Variants in MINDY4 observed in about 807,000 individuals in gnomAD.
MINDY4 encodes probable ubiquitin carboxyl-terminal hydrolase MINDY-4.
Under a neutral mutation model 87.0 loss-of-function variants are expected in MINDY4, and 68 were observed. The observed-to-expected ratio is 0.78, with a 90% CI of 0.64 to 0.96. The LOEUF is 0.96. Ranked by LOEUF, MINDY4 falls within the 40% of genes least tolerant of loss-of-function variation. The pLI, the probability that MINDY4 is intolerant of heterozygous loss-of-function variation, is 0.00. For missense variants in MINDY4, 919 were observed against 928.2 expected (o/e 0.99, Z 0.13); for synonymous variants, 379 against 363.2 (o/e 1.04, Z -0.50).
chr7:30,892,097 T>A lies in MINDY4; in HGVS notation c.*92T>A, dbSNP rs1274014488. On this transcript the variant is annotated 3_prime_UTR_variant, in exon 18 of 18. Coordinates refer to ENST00000265299, the MANE Select transcript of MINDY4 (RefSeq NM_032222.3). Reference sequence around the variant, plus strand: ...CCCCAAGCCTCTGGGGCAGGTCTCATGTACCCCAACCTGGGTCAGCATGAC... The same window carrying A: ...CCCCAAGCCTCTGGGGCAGGTCTCAAGTACCCCAACCTGGGTCAGCATGAC... The A allele has an allele frequency of 1.4e-6, 2 of 1,413,760 alleles. No individual in the cohort carries two copies. The highest frequency in any genetic ancestry group is 3.4e-5 in the Admixed American group (2 of 59,622). 87.6% of individuals were successfully genotyped at this position (1,413,760 alleles called of 1,614,324 possible). A position where few individuals can be genotyped will look rare whatever the true frequency, so the allele number is the denominator to read the frequency against.
intron 1 of MINDY4, among the ~76,000 whole-genome samples, chr7:30,772,853 A>G (rs1222104755): frequency 6.6e-6 from 1 of 152,090 alleles, no homozygotes; most frequent in Non-Finnish European, 1.5e-5. Flanking sequence ...AAACTCTTAG[A>G]GAGGGCTTCC....
chr7:30,774,216 T>C (rs948767852), intron 1 of MINDY4, among the ~76,000 whole-genome samples: 6 of 152,204 alleles, frequency 3.9e-5, no homozygotes, highest in African/African-American at 1.4e-4. Context: ...CTAATTTCAC[T>C]GAGAAAACAG....
chr7:30,888,807 A>G (rs1237002474), intron 17 of MINDY4, among the ~76,000 whole-genome samples: 1 of 152,122 alleles, frequency 6.6e-6, no homozygotes, highest in African/African-American at 2.4e-5. Flanking sequence ...TGTTGGCTGG[A>G]TGGAGCGGGT....
chr7:30,860,640 G>A (rs1219297659), intron 13 of MINDY4, among the ~76,000 whole-genome samples: 1 of 150,638 alleles, frequency 6.6e-6, no homozygotes, highest in Non-Finnish European at 1.5e-5. Flanking sequence ...GGGCCCTCTG[G>A]CTCTGGGAGT....
chr7:30,806,786 G>A (rs1051312678), intron 5 of MINDY4, among the ~76,000 whole-genome samples: 2 of 152,250 alleles, frequency 1.3e-5, no homozygotes, highest in South Asian at 2.1e-4. Flanking sequence ...TCTGGAGGGT[G>A]AGGCAGATGT....
chr7:30,841,701 A>G (rs1350814390), intron 9 of MINDY4, among the ~76,000 whole-genome samples: 2 of 152,202 alleles, frequency 1.3e-5, no homozygotes, highest in Admixed American at 6.5e-5. Context: ...GTTCTGCTCA[A>G]TGAATTATCA....
intron 5 of MINDY4, among the ~76,000 whole-genome samples, chr7:30,801,181 G>A (rs1006409541): frequency 6.6e-6 from 1 of 152,138 alleles, no homozygotes; most frequent in Non-Finnish European, 1.5e-5. Flanking sequence ...TGGCATTTGC[G>A]GTTCATTGAC....
At chr7:30,821,324 C>A (rs1412154740) in intron 5 of MINDY4, among the ~76,000 whole-genome samples, 2 of 152,128 alleles carry the variant, frequency 1.3e-5, no homozygotes, top group African/African-American at 4.8e-5. Context: ...CTGTTTTAAT[C>A]CTTGACTGAA....
chr7:30,863,878 CT>C (rs1236168426), intron 13 of MINDY4, among the ~76,000 whole-genome samples: 1 of 152,196 alleles, frequency 6.6e-6, no homozygotes, highest in Non-Finnish European at 1.5e-5. Flanking sequence ...GCTTGCCAAG[CT>C]TTGCTGCTTT....
intron 5 of MINDY4, among the ~76,000 whole-genome samples, chr7:30,819,359 T>C (rs1435203764): frequency 6.6e-6 from 1 of 152,228 alleles, no homozygotes; most frequent in Non-Finnish European, 1.5e-5. Context: ...ATTCTTTTTT[T>C]ATTTCTTTGT....
chr7:30,811,822 A>G lies in MINDY4; in HGVS notation c.1074-16857A>G, dbSNP rs1056422852. ...AATCGATCACGACCCTCTCATGCGGACTCCCTTAGAGTTGTGAGCCCTTAA... is the reference window on the plus strand; with the variant it reads ...AATCGATCACGACCCTCTCATGCGGGCTCCCTTAGAGTTGTGAGCCCTTAA... On this transcript the variant is annotated intron_variant, in intron 5 of 17. Transcript: ENST00000265299. 7.2e-5 allele frequency among the ~76,000 whole-genome samples: 11 copies of G among 152,008 alleles called. No homozygotes were observed. The South Asian group carries it at 1.0e-3, about 14-fold the overall frequency.
At position 30,798,641 on chromosome 7, in the gene MINDY4, C is replaced by T. The variant is rs187882848; in HGVS notation, c.1073+7067C>T. Among the ~76,000 whole-genome samples, 126 of 152,264 alleles carry T rather than the reference C, an allele frequency of 8.3e-4. 1 individual carries two copies. In the East Asian group the frequency reaches 0.016, roughly 20 times the overall value. On this transcript the variant is annotated intron_variant, in intron 5 of 17. Coordinates refer to ENST00000265299, the MANE Select transcript of MINDY4 (RefSeq NM_032222.3). ...CCTCCCGAGTAGCTGGGACTGCAGTCGCCCGCCACCACGCCTGGCTAATTT... is the reference window on the plus strand; with the variant it reads ...CCTCCCGAGTAGCTGGGACTGCAGTTGCCCGCCACCACGCCTGGCTAATTT...
intron 10 of MINDY4, among the ~76,000 whole-genome samples, chr7:30,851,969 A>G (rs1015669294): frequency 1.3e-5 from 2 of 151,742 alleles, no homozygotes; most frequent in African/African-American, 4.8e-5. Context: ...GGTTATTCCA[A>G]GCTCTCCCTT....
At chr7:30,822,178 C>CT (rs983445282) in intron 5 of MINDY4, among the ~76,000 whole-genome samples, 65 of 135,002 alleles carry the variant, frequency 4.8e-4, no homozygotes, top group South Asian at 5.2e-4. Context: ...TTCTTTCTTT[C>CT]TTTTTTTTTT....
At chr7:30,816,170 C>T (rs1788142924) in intron 5 of MINDY4, among the ~76,000 whole-genome samples, 1 of 151,380 alleles carries the variant, frequency 6.6e-6, no homozygotes, top group African/African-American at 2.4e-5. Flanking sequence ...CATTGAATAC[C>T]AATTGCGTGC....
chr7:30,813,333 TAA>T (rs1035656564), intron 5 of MINDY4, among the ~76,000 whole-genome samples: 2 of 152,168 alleles, frequency 1.3e-5, no homozygotes, highest in Non-Finnish European at 2.9e-5. Flanking sequence ...TGCCCTGTGT[TAA>T]AGTGTTCAAT....
chr7:30,799,618 G>A (rs748499769), intron 5 of MINDY4, among the ~76,000 whole-genome samples: 2 of 152,232 alleles, frequency 1.3e-5, no homozygotes, highest in African/African-American at 2.4e-5. Context: ...TGGACTGGCA[G>A]CATCTGCATC....
intron 5 of MINDY4, among the ~76,000 whole-genome samples, chr7:30,808,917 CAA>C (rs1787897917): frequency 6.9e-6 from 1 of 144,538 alleles, no homozygotes; most frequent in Admixed American, 7.0e-5. Flanking sequence ...GACAGAGAGA[CAA>C]AGAGGGAGTC....
intron 1 of MINDY4, among the ~76,000 whole-genome samples, chr7:30,775,563 T>C (rs933110223): frequency 6.6e-6 from 1 of 152,220 alleles, no homozygotes. Context: ...GATTAAATCA[T>C]TGACCATTGG....
Sources: allele counts gnomAD v4.1 joint callset (sites outside exome capture counted in the v4.1 genomes callset), GRCh38; gene constraint gnomAD v4.1.1; transcripts MANE v1.5; gene names NCBI Gene and HGNC (gene_info 2026-07-23, HGNC 2026-07-21).